CD84: variants seen among roughly 807,000 people sequenced by gnomAD.
CD84 encodes the protein SLAM family member 5.
In CD84, 22 loss-of-function variants were observed where a neutral mutation model predicts 33.8. The observed-to-expected ratio is 0.65, with a 90% CI of 0.46 to 0.93. The LOEUF (loss-of-function observed/expected upper bound fraction) is 0.93, where lower values mean the gene tolerates loss of function less well. CD84 is among the 40% of genes least tolerant of loss of function. The pLI, the probability that CD84 is intolerant of heterozygous loss-of-function variation, is 0.00. For missense variants in CD84, 400 were observed against 397.6 expected (o/e 1.01, Z -0.05); for synonymous variants, 154 against 145.2 (o/e 1.06, Z -0.44).
Position 160,578,618 on chromosome 1 carries a change from G to C in CD84, c.46+774C>G, listed in dbSNP as rs563064843. 3.3e-5 allele frequency among the ~76,000 whole-genome samples: 5 copies of C among 152,262 alleles called. No homozygotes were observed. In the South Asian group the frequency reaches 1.0e-3, roughly 32 times the overall value. ...GAAGTTCCAAACATAGTAAATTTCT[G>C]TTAGAGCAATTGTTTGTATTTAAGG... On this transcript the variant is annotated intron_variant, in intron 1 of 6. Coordinates refer to ENST00000368054, the MANE Select transcript of CD84 (RefSeq NM_003874.4).
Position 160,556,461 on chromosome 1 carries a change from A to G in CD84, c.389-2315T>C, listed in dbSNP as rs1656614057. ...TTTGAAGATAAAGATTATTCTAATT[A>G]CCTATTTACTTATCTATCATCTATC... On this transcript the variant is annotated intron_variant, in intron 2 of 6. Transcript: ENST00000368054. 2.6e-5 allele frequency among the ~76,000 whole-genome samples: 4 copies of G among 152,188 alleles called. No individual in the cohort carries two copies. In the South Asian group the frequency reaches 8.3e-4, roughly 31 times the overall value.
rs1655656664 is a variant in CD84 at position 160,543,600 on chromosome 1, T to TA, written c.*4655dup. The stretch of plus-strand genomic sequence containing the variant: ...CTATCTTCAAGGAGCTCTCCATTAT[T>TA]ATTTATTATTATTATTATTATTATT... On this transcript the variant is annotated 3_prime_UTR_variant, in exon 7 of 7. Transcript: ENST00000368054. 4 of 106,902 alleles carry TA rather than the reference T, an allele frequency of 3.7e-5. No individual in the cohort carries two copies. Among genetic ancestry groups the TA allele is most frequent in the African/African-American group, 1.2e-4 (4 of 32,210 alleles). 6.6% of individuals were successfully genotyped at this position (106,902 alleles called of 1,614,324 possible).
Position 160,565,730 on chromosome 1 carries a change from C to T in CD84, c.62G>A (p.Gly21Glu). ...CACTGTGAAGATTTCTGAGTCTTTT[C>T]CAGCTGCTTCCGGCCCTGAGAACAT... is the stretch of plus-strand genomic sequence containing the variant. ...LCLQTWPEAA[G>E]KDSEIFTVNG... The change falls in exon 2 of 7, where the codon GGA becomes GAA. Residue 21 changes from glycine to glutamate, a missense_variant. Coordinates refer to ENST00000368054, the MANE Select transcript of CD84 (RefSeq NM_003874.4). The T allele has an allele frequency of 6.2e-7, 1 of 1,607,024 alleles. No individual in the cohort carries two copies. Among genetic ancestry groups the T allele is most frequent in the Non-Finnish European group, 8.5e-7 (1 of 1,176,478 alleles).
chr1:160,557,407 T>C (rs1346564863), intron 2 of CD84, among the ~76,000 whole-genome samples: 1 of 152,248 alleles, frequency 6.6e-6, no homozygotes, highest in Non-Finnish European at 1.5e-5. Flanking sequence ...ATGATGTTGG[T>C]GCTGGGAATA....
At chr1:160,552,093 T>C (rs1250518919) in intron 4 of CD84, among the ~76,000 whole-genome samples, 1 of 152,156 alleles carries the variant, frequency 6.6e-6, no homozygotes, top group Admixed American at 6.5e-5. Flanking sequence ...AAATAACAGG[T>C]CTGAGCTGAG....
intron 1 of CD84, among the ~76,000 whole-genome samples, chr1:160,576,616 C>T (rs1365193758): frequency 6.6e-6 from 1 of 152,110 alleles, no homozygotes; most frequent in African/African-American, 2.4e-5. Flanking sequence ...TAATTTACTC[C>T]ACTTCAGCAT....
chr1:160,555,266 G>A (rs1656527579), intron 2 of CD84, among the ~76,000 whole-genome samples: 1 of 151,862 alleles, frequency 6.6e-6, no homozygotes, highest in Non-Finnish European at 1.5e-5. Flanking sequence ...TGTATTTTTA[G>A]TAGAGATGGA....
chr1:160,557,166 A>T (rs1331457519), intron 2 of CD84, among the ~76,000 whole-genome samples: 1 of 152,228 alleles, frequency 6.6e-6, no homozygotes, highest in African/African-American at 2.4e-5. Flanking sequence ...AAGTGAGGAA[A>T]CTTTGGAACA....
Position 160,543,097 on chromosome 1 carries a change from T to G in CD84, c.*5159A>C, listed in dbSNP as rs937604631. On this transcript the variant is annotated 3_prime_UTR_variant, in exon 7 of 7. Transcript: ENST00000368054. ...TCCAAAATGCATATAGAGAGCTCTATCCAACCTTCTTTAATTAAATGGGCA... is the reference window on the plus strand; with the variant it reads ...TCCAAAATGCATATAGAGAGCTCTAGCCAACCTTCTTTAATTAAATGGGCA... The G allele has an allele frequency of 1.3e-5, 2 of 152,200 alleles. No individual in the cohort carries two copies. Among genetic ancestry groups the G allele is most frequent in the African/African-American group, 4.8e-5 (2 of 41,450 alleles). 9.4% of individuals were successfully genotyped at this position (152,200 alleles called of 1,614,324 possible).
chr1:160,575,635 G>A (rs147801299), intron 1 of CD84, among the ~76,000 whole-genome samples: 1 of 152,194 alleles, frequency 6.6e-6, no homozygotes, highest in Non-Finnish European at 1.5e-5. Flanking sequence ...TACCTAGTCA[G>A]TTCCACCTAT....
chr1:160,576,561 A>C (rs537280530), intron 1 of CD84, among the ~76,000 whole-genome samples: 1 of 152,288 alleles, frequency 6.6e-6, no homozygotes, highest in African/African-American at 2.4e-5. Flanking sequence ...TAAATAAATC[A>C]TCACTCTTTA....
intron 4 of CD84, 46 bp downstream of exon 4, chr1:160,553,332 G>A (rs748542662): frequency 1.9e-6 from 3 of 1,614,030 alleles, no homozygotes; most frequent in Middle Eastern, 1.7e-4. Context: ...AGTCCCAGGA[G>A]GAGAGAAGGT....
In CD84 at chr1:160,541,554, G is replaced by T. The variant is rs937641497; in HGVS notation, c.*6702C>A. On this transcript the variant is annotated 3_prime_UTR_variant, in exon 7 of 7. Coordinates refer to ENST00000368054, the MANE Select transcript of CD84 (RefSeq NM_003874.4). ...GTATAAATAGAGGGCAATATATTTC[G>T]CTTTGGACGGGAGGTTTTAGAAGGC... 3.9e-5 allele frequency: 6 copies of T among 152,264 alleles called. No individual in the cohort carries two copies. The highest frequency in any genetic ancestry group is 7.4e-5 in the Non-Finnish European group (5 of 68,016). 9.4% of individuals were successfully genotyped at this position (152,264 alleles called of 1,614,324 possible).
chr1:160,545,476 G>A lies in CD84; in HGVS notation c.*2780C>T, dbSNP rs3737792. ...CAAGCCTCTTTCCTCCTTCCTGCAC[G>A]TCTCTTCTTGGGGTGCTGTCTTTCA... is the stretch of plus-strand genomic sequence containing the variant. On this transcript the variant is annotated 3_prime_UTR_variant, in exon 7 of 7. Transcript: ENST00000368054. 0.73 allele frequency: 111,060 copies of A among 151,906 alleles called. 43,869 individuals carry two copies. The highest frequency in any genetic ancestry group is 0.9 in the Non-Finnish European group (61,024 of 68,018). The allele number at this position is 151,906 out of a possible 1,614,324, so 9.4% of individuals were successfully genotyped here.
intron 4 of CD84, 91 bp from the exon 5 acceptor site, chr1:160,551,126 A>G (rs1316446175): frequency 1.0e-6 from 1 of 954,928 alleles, no homozygotes; most frequent in East Asian, 2.4e-5. Flanking sequence ...AAGATGAAGA[A>G]AGGAAGCCCC....
intron 1 of CD84, 42 bp downstream of exon 1, chr1:160,579,350 T>G (rs764431121): frequency 1.2e-6 from 2 of 1,612,496 alleles, no homozygotes; most frequent in East Asian, 2.2e-5. Flanking sequence ...TTTTAAAACT[T>G]TATGGAAAAC....
At chr1:160,565,872 CTT>C (rs10629263) in intron 1 of CD84, 127 bp from the exon 2 acceptor site, 3,792 of 566,478 alleles carry the variant, frequency 6.7e-3, no homozygotes, top group South Asian at 0.012. Context: ...TTGAGGATGC[CTT>C]TTTTTTTTTT....
intron 6 of CD84, among the ~76,000 whole-genome samples, chr1:160,549,619 G>A (rs923763497): frequency 1.3e-5 from 2 of 152,180 alleles, no homozygotes; most frequent in Non-Finnish European, 2.9e-5. Flanking sequence ...AGCTAGCAGT[G>A]ACCCCAGGTA....
chr1:160,565,424 C>A lies in CD84; in HGVS notation c.368G>T (p.Arg123Leu). ...TQADPYTTTK[R>L]YNLQIYRRLG... Reference sequence around the variant, plus strand: ...CTTACGATAGATTTGCAGGTTGTAGCGCTTGGTGGTGGTGTAGGGATCAGC... The same window carrying A: ...CTTACGATAGATTTGCAGGTTGTAGAGCTTGGTGGTGGTGTAGGGATCAGC... The change falls in exon 2 of 7, where the codon CGC becomes CTC. Residue 123 changes from arginine to leucine, a missense_variant. By Grantham distance (102) the Arg-to-Leu change is moderately radical. Coordinates refer to ENST00000368054, the MANE Select transcript of CD84 (RefSeq NM_003874.4). 6.2e-7 allele frequency: 1 copy of A among 1,604,632 alleles called. No individual in the cohort carries two copies. Among genetic ancestry groups the A allele is most frequent in the South Asian group, 1.1e-5 (1 of 89,532 alleles).
Sources: allele counts gnomAD v4.1 joint callset (sites outside exome capture counted in the v4.1 genomes callset), GRCh38; gene constraint gnomAD v4.1.1; transcripts MANE v1.5; gene names NCBI Gene and HGNC (gene_info 2026-07-23, HGNC 2026-07-21).